The following DOCK3 variants were observed in gnomAD, a reference collection of about 807,000 sequenced individuals.
The protein encoded by DOCK3 is dedicator of cytokinesis protein 3.
A neutral mutation model predicts 265.6 loss-of-function variants in DOCK3; 60 were observed. The ratio of observed to expected loss-of-function variants is 0.23; its 90% CI spans 0.18 to 0.28. The LOEUF (loss-of-function observed/expected upper bound fraction) is 0.28, where lower values mean the gene tolerates loss of function less well. DOCK3 is among the 10% of genes least tolerant of loss of function. The probability of loss-of-function intolerance (pLI) is 1.00; values close to 1 mark genes in which losing one functional copy is unlikely to be tolerated. For synonymous variants in DOCK3, 881 were observed against 938.0 expected (o/e 0.94, Z 1.11); for missense variants, 1,981 against 2,594.3 (o/e 0.76, Z 5.14).
chr3:51,075,482 A>C, intron 7 of DOCK3, 42 bp downstream of exon 7: 1 of 1,464,032 alleles, frequency 6.8e-7, no homozygotes, highest in Non-Finnish European at 9.3e-7. Context: ...TGCATACCTC[A>C]TTTTTTCTCT....
chr3:51,317,185 G>A (rs1025575145), intron 32 of DOCK3, among the ~76,000 whole-genome samples: 3 of 150,520 alleles, frequency 2.0e-5, no homozygotes, highest in African/African-American at 7.3e-5. Flanking sequence ...GCAACAAGAT[G>A]TCCAATTATT....
chr3:50,879,967 A>G (rs1456470408), intron 3 of DOCK3, among the ~76,000 whole-genome samples: 1 of 152,230 alleles, frequency 6.6e-6, no homozygotes, highest in Non-Finnish European at 1.5e-5. Context: ...AGAACTCAGG[A>G]TTAAGAAACT....
At chr3:50,761,593 G>T (rs2040534516) in intron 1 of DOCK3, among the ~76,000 whole-genome samples, 1 of 152,142 alleles carries the variant, frequency 6.6e-6, no homozygotes, top group South Asian at 2.1e-4. Context: ...GTCCTCAGCA[G>T]CTAATTTCCC....
chr3:51,237,510 C>T lies in DOCK3; in HGVS notation c.2022C>T (p.Leu674=). The change falls in exon 21 of 53, where the codon CTC becomes CTT. Residue 674 remains leucine (L), a synonymous_variant. Coordinates refer to ENST00000266037, the MANE Select transcript of DOCK3 (RefSeq NM_004947.5). Reference sequence around the variant, plus strand: ...CCCAGGTGTTCATCATCAACCTGCTCCGAGACATCAAGTATTTTCACTTTC... The same window carrying T: ...CCCAGGTGTTCATCATCAACCTGCTTCGAGACATCAAGTATTTTCACTTTC... The part of the protein sequence containing the change: ...FQSLVFIINL[L]RDIKYFHFRP... 2 of 1,613,410 alleles carry T rather than the reference C, an allele frequency of 1.2e-6. No homozygotes were observed. Among genetic ancestry groups the T allele is most frequent in the African/African-American group, 2.7e-5 (2 of 75,012 alleles).
At chr3:51,056,213 A>G (rs1037432801) in intron 5 of DOCK3, among the ~76,000 whole-genome samples, 1 of 152,070 alleles carries the variant, frequency 6.6e-6, no homozygotes, top group South Asian at 2.1e-4. Context: ...GAAAGTTTAG[A>G]TTCCTGGGTT....
chr3:50,693,484 G>T (rs1348319240), intron 1 of DOCK3, among the ~76,000 whole-genome samples: 1 of 148,220 alleles, frequency 6.7e-6, no homozygotes, highest in Non-Finnish European at 1.5e-5. Flanking sequence ...GCTAGTATAA[G>T]TGGAATTGTT....
At chr3:51,130,366 GC>G (rs1398225612) in intron 9 of DOCK3, among the ~76,000 whole-genome samples, 3 of 152,230 alleles carry the variant, frequency 2.0e-5, no homozygotes, top group African/African-American at 4.8e-5. Flanking sequence ...TGTTGGCCTT[GC>G]CAGCTGAAAG....
In DOCK3 at chr3:50,733,102, T is replaced by G. The variant is rs561987115; in HGVS notation, c.38-45573T>G. On this transcript the variant is annotated intron_variant, in intron 1 of 52. Transcript: ENST00000266037. ...TAGCCCAGGCTTTAAAAATATATAA[T>G]TTGGTAAGCTGATTGAAAAATGTAT... Among the ~76,000 whole-genome samples, 18 of 152,326 alleles carry G rather than the reference T, an allele frequency of 1.2e-4. 1 individual carries two copies. The East Asian group carries it at 3.3e-3, about 28-fold the overall frequency.
At chr3:50,752,112 A>G (rs940632550) in intron 1 of DOCK3, among the ~76,000 whole-genome samples, 4 of 152,098 alleles carry the variant, frequency 2.6e-5, no homozygotes, top group African/African-American at 9.7e-5. Flanking sequence ...TTTCTGCTTC[A>G]TAGGGAAGGT....
At chr3:50,980,231 T>G (rs950615789) in intron 5 of DOCK3, among the ~76,000 whole-genome samples, 1 of 152,272 alleles carries the variant, frequency 6.6e-6, no homozygotes, top group Admixed American at 6.5e-5. Context: ...GCTTTTGTCC[T>G]TCATTCTGTT....
At chr3:50,847,645 A>G (rs986328802) in intron 3 of DOCK3, among the ~76,000 whole-genome samples, 12 of 152,088 alleles carry the variant, frequency 7.9e-5, no homozygotes, top group Admixed American at 5.2e-4. Flanking sequence ...GCACTTTGGG[A>G]GGCTGAGGTG....
In DOCK3 at chr3:51,358,094, C is replaced by T. The variant is rs749657358; in HGVS notation, c.4884+17C>T. The T allele has an allele frequency of 6.2e-7, 1 of 1,610,090 alleles. No homozygotes were observed. Among genetic ancestry groups the T allele is most frequent in the Non-Finnish European group, 8.5e-7 (1 of 1,177,102 alleles). On this transcript the variant is annotated intron_variant, in intron 46 of 52. Transcript: ENST00000266037. ...CTCTACCATGTAAGTTGATCCCTGT[C>T]CTGCCCCTGCTGCAGTAGAACCAGG...
chr3:51,228,502 A>G (rs2090421463), intron 17 of DOCK3, among the ~76,000 whole-genome samples, 159 bp from the exon 18 acceptor site: 1 of 152,154 alleles, frequency 6.6e-6, no homozygotes, highest in Non-Finnish European at 1.5e-5. Flanking sequence ...GAGCTGTTCT[A>G]GGGAGTTTCT....
intron 26 of DOCK3, among the ~76,000 whole-genome samples, chr3:51,278,703 C>A (rs544680249): frequency 6.6e-6 from 1 of 152,168 alleles, no homozygotes; most frequent in African/African-American, 2.4e-5. Context: ...TGGGCCAGAC[C>A]CTGCTTTAAG....
chr3:51,091,863 G>A (rs978661943), intron 9 of DOCK3, among the ~76,000 whole-genome samples: 5 of 152,116 alleles, frequency 3.3e-5, no homozygotes, highest in Non-Finnish European at 5.9e-5. Flanking sequence ...AGGGCAAGCC[G>A]AAGCAGGGTG....
intron 1 of DOCK3, among the ~76,000 whole-genome samples, chr3:50,696,995 A>G (rs144156593): frequency 6.7e-6 from 1 of 149,464 alleles, no homozygotes; most frequent in African/African-American, 2.5e-5. Flanking sequence ...CAGTGGCGCT[A>G]TGTAGGCTCA....
intron 5 of DOCK3, among the ~76,000 whole-genome samples, chr3:50,962,017 T>C (rs2076902859): frequency 6.6e-6 from 1 of 151,630 alleles, no homozygotes; most frequent in Non-Finnish European, 1.5e-5. Context: ...TTTTAATATA[T>C]ATGCTTTAAA....
chr3:51,197,749 A>G (rs1315850586), intron 12 of DOCK3, among the ~76,000 whole-genome samples: 1 of 152,080 alleles, frequency 6.6e-6, no homozygotes, highest in Non-Finnish European at 1.5e-5. Flanking sequence ...GTTAGCAGCT[A>G]TGCTAACACC....
intron 12 of DOCK3, among the ~76,000 whole-genome samples, chr3:51,194,408 A>G (rs745777921): frequency 1.5e-4 from 23 of 152,212 alleles, no homozygotes; most frequent in Admixed American, 3.3e-4. Context: ...CTGAAATGTC[A>G]GTTAGCTCCA....
Sources: gnomAD v4.1 joint callset for allele counts (sites outside exome capture counted in the v4.1 genomes callset) on GRCh38, gnomAD v4.1.1 for gene constraint, MANE v1.5 for transcripts, NCBI Gene and HGNC (gene_info 2026-07-23, HGNC 2026-07-21) for gene names.